The following RBFOX1 variants were observed in gnomAD, a reference collection of about 807,000 sequenced individuals.
The protein encoded by RBFOX1 is RNA binding fox-1 homolog 1, also known as RNA binding protein fox-1 homolog 1.
Under a neutral mutation model 57.7 loss-of-function variants are expected in RBFOX1, and 8 were observed. That is an observed-to-expected ratio of 0.14 (90% CI 0.08 to 0.25). The LOEUF is 0.25. Among genes scored for constraint, RBFOX1 ranks in the 10% least tolerant of loss-of-function variants. RBFOX1 has a pLI of 1.00. For missense variants in RBFOX1, 611 were observed against 548.5 expected, an observed-to-expected ratio of 1.11 and a Z score of -1.14; for synonymous variants, 326 against 222.4, an observed-to-expected ratio of 1.47 and a Z score of -4.15.
At chr16:6,141,669 C>G (rs1236058706) in intron 1 of RBFOX1, among the ~76,000 whole-genome samples, 2 of 152,000 alleles carry the variant, frequency 1.3e-5, no homozygotes, top group Non-Finnish European at 2.9e-5. Flanking sequence ...TCTTTTCAGC[C>G]CTCTTTAATT....
intron 3 of RBFOX1, among the ~76,000 whole-genome samples, chr16:5,706,155 C>T (rs2051240526): frequency 6.6e-6 from 1 of 152,220 alleles, no homozygotes; most frequent in Non-Finnish European, 1.5e-5. Flanking sequence ...AACTGATCTG[C>T]CAGCCTCGGC....
intron 3 of RBFOX1, among the ~76,000 whole-genome samples, chr16:6,820,140 T>C (rs940125031): frequency 6.6e-6 from 1 of 152,210 alleles, no homozygotes; most frequent in Non-Finnish European, 1.5e-5. Context: ...GGACACACTG[T>C]CTCTTGCCTG....
intron 2 of RBFOX1, among the ~76,000 whole-genome samples, chr16:6,543,467 C>T (rs549260914): frequency 6.6e-6 from 1 of 152,154 alleles, no homozygotes; most frequent in Admixed American, 6.5e-5. Context: ...TTGACTCTGA[C>T]ATGTGGCTCA....
chr16:7,029,081 T>TATATATATATAC (rs1356233922), intron 3 of RBFOX1, among the ~76,000 whole-genome samples: 1 of 47,954 alleles, frequency 2.1e-5, no homozygotes, highest in African/African-American at 1.7e-4. Flanking sequence ...TATATATATA[T>TATATATATATAC]ACACACACAC....
chr16:7,165,117 A>G (rs978856094), intron 4 of RBFOX1, among the ~76,000 whole-genome samples: 1 of 152,190 alleles, frequency 6.6e-6, no homozygotes, highest in Non-Finnish European at 1.5e-5. Flanking sequence ...GTCAGTAGTC[A>G]TCCATTTTCG....
chr16:5,276,499 A>G (rs575992346), intron 1 of RBFOX1, among the ~76,000 whole-genome samples: 8 of 152,308 alleles, frequency 5.3e-5, no homozygotes, highest in East Asian at 3.9e-4. Flanking sequence ...ATAAAGAAAA[A>G]TAGGGCCAGG....
chr16:7,390,744 G>C (rs955182421), intron 4 of RBFOX1, among the ~76,000 whole-genome samples: 3 of 152,124 alleles, frequency 2.0e-5, no homozygotes, highest in African/African-American at 7.2e-5. Flanking sequence ...TGCATTTAGA[G>C]ATTTGTTTTT....
chr16:6,135,785 CTTTT>C (rs35563303), intron 1 of RBFOX1, among the ~76,000 whole-genome samples: 36 of 85,018 alleles, frequency 4.2e-4, no homozygotes, highest in African/African-American at 1.9e-3. Flanking sequence ...CTCGTTTCGA[CTTTT>C]TTTTTTTTTT....
At chr16:5,248,600 G>A (rs2062363508) in intron 1 of RBFOX1, among the ~76,000 whole-genome samples, 1 of 152,190 alleles carries the variant, frequency 6.6e-6, no homozygotes, top group Non-Finnish European at 1.5e-5. Flanking sequence ...GGGCCGTGGA[G>A]CGCTTGGGGG....
intron 4 of RBFOX1, among the ~76,000 whole-genome samples, chr16:7,286,446 T>C (rs2095652610): frequency 6.8e-6 from 1 of 147,582 alleles, no homozygotes; most frequent in Non-Finnish European, 1.5e-5. Context: ...TGATACTTTC[T>C]TATTTTTTTT....
chr16:7,186,769 G>A (rs1259619429), intron 4 of RBFOX1, among the ~76,000 whole-genome samples: 1 of 150,482 alleles, frequency 6.6e-6, no homozygotes, highest in African/African-American at 2.4e-5. Flanking sequence ...ATAACTAACA[G>A]CATTAACTTA....
At chr16:5,304,365 C>T (rs1273317104) in intron 1 of RBFOX1, among the ~76,000 whole-genome samples, 1 of 152,178 alleles carries the variant, frequency 6.6e-6, no homozygotes, top group Non-Finnish European at 1.5e-5. Flanking sequence ...ATAATCCTCC[C>T]ATATTTATAT....
chr16:6,856,683 C>T lies in RBFOX1; in HGVS notation c.-15-195374C>T, dbSNP rs574661937. ...TATTCCTGTATTCTTCAAGATGTTA[C>T]AAATTCCATTTAATAAGTAAAGTGG... On this transcript the variant is annotated intron_variant, in intron 3 of 15. Coordinates refer to ENST00000550418, the MANE Select transcript of RBFOX1 (RefSeq NM_018723.4). Among the ~76,000 whole-genome samples the T allele has an allele frequency of 7.2e-5, 11 of 152,192 alleles. 1 individual carries two copies. In the South Asian group the frequency reaches 2.3e-3, roughly 32 times the overall value.
At chr16:5,999,915 GA>G (rs2060566063) in intron 4 of RBFOX1, among the ~76,000 whole-genome samples, 1 of 95,374 alleles carries the variant, frequency 1.0e-5, no homozygotes, top group Non-Finnish European at 2.2e-5. Flanking sequence ...AAAGAGTGAA[GA>G]AGGGAAATCA....
chr16:5,300,167 G>A (rs569222272), intron 1 of RBFOX1, among the ~76,000 whole-genome samples: 2 of 151,712 alleles, frequency 1.3e-5, no homozygotes, highest in East Asian at 1.9e-4. Flanking sequence ...TGGTCATATT[G>A]TATTATCCTT....
intron 2 of RBFOX1, among the ~76,000 whole-genome samples, chr16:6,471,325 C>T (rs1001413582): frequency 2.0e-5 from 3 of 152,192 alleles, no homozygotes; most frequent in African/African-American, 7.2e-5. Context: ...CAAGAGGCAT[C>T]CTCTACCAAG....
At chr16:7,231,325 A>G (rs1186156031) in intron 4 of RBFOX1, among the ~76,000 whole-genome samples, 9 of 152,292 alleles carry the variant, frequency 5.9e-5, no homozygotes, top group African/African-American at 2.2e-4. Context: ...TGAATCAGGA[A>G]TCGACTACTA....
At chr16:6,826,249 T>A (rs2092121664) in intron 3 of RBFOX1, among the ~76,000 whole-genome samples, 1 of 152,112 alleles carries the variant, frequency 6.6e-6, no homozygotes, top group Non-Finnish European at 1.5e-5. Context: ...TGGTGCCTTG[T>A]ACCTGTAATC....
chr16:7,193,072 A>G lies in RBFOX1; in HGVS notation c.27+140974A>G, dbSNP rs138009548. On this transcript the variant is annotated intron_variant, in intron 4 of 15. Coordinates refer to ENST00000550418, the MANE Select transcript of RBFOX1 (RefSeq NM_018723.4). The stretch of plus-strand genomic sequence containing the variant: ...CTGTGAGCATGTTGGGTTACACTGC[A>G]AAGGAAAATTAAGATTACATGTAGA... 1.3e-3 allele frequency among the ~76,000 whole-genome samples: 200 copies of G among 152,308 alleles called. 1 individual carries two copies. The highest frequency in any genetic ancestry group is 2.1e-3 in the Non-Finnish European group (141 of 68,018).
Sources: gnomAD v4.1 joint callset for allele counts (sites outside exome capture counted in the v4.1 genomes callset) on GRCh38, gnomAD v4.1.1 for gene constraint, MANE v1.5 for transcripts, NCBI Gene and HGNC (gene_info 2026-07-23, HGNC 2026-07-21) for gene names.